The following SLC24A1 variants were observed in gnomAD, a reference collection of about 807,000 sequenced individuals.
SLC24A1 encodes the protein sodium/potassium/calcium exchanger 1.
A neutral mutation model predicts 88.1 loss-of-function variants in SLC24A1; 52 were observed. The ratio of observed to expected loss-of-function variants is 0.59; its 90% CI spans 0.47 to 0.74. The LOEUF (loss-of-function observed/expected upper bound fraction) is 0.74. Ranked by LOEUF, SLC24A1 falls within the 30% of genes least tolerant of loss-of-function variation. The pLI is 0.00. For synonymous variants in SLC24A1, 455 were observed against 498.0 expected, an observed-to-expected ratio of 0.91 and a Z score of 1.15; for missense variants, 1,173 against 1,363.3, an observed-to-expected ratio of 0.86 and a Z score of 2.20.
chr15:65,621,192 A>G (rs2074306890), upstream of SLC24A1, among the ~76,000 whole-genome samples: 1 of 152,274 alleles, frequency 6.6e-6, no homozygotes, highest in African/African-American at 2.4e-5. Flanking sequence ...AGAAAGGGGC[A>G]GTCAGTAAAT....
At position 65,655,944 on chromosome 15, in the gene SLC24A1, G is replaced by A. The variant is rs907988250; in HGVS notation, c.*1865G>A. The A allele has an allele frequency of 2.0e-6, 2 of 985,236 alleles. No individual in the cohort carries two copies. The highest frequency in any genetic ancestry group is 5.2e-4 in the Middle Eastern group (1 of 1,914). The allele number at this position is 985,236 out of a possible 1,614,324, so 61.0% of individuals were successfully genotyped here. A position where few individuals can be genotyped will look rare whatever the true frequency, so the allele number is the denominator to read the frequency against. On this transcript the variant is annotated 3_prime_UTR_variant, in exon 10 of 10. Coordinates refer to ENST00000261892, the MANE Select transcript of SLC24A1 (RefSeq NM_004727.3). ...CCCGAGAAGACTGATGAAGAGTATG[G>A]AATCATGTTCCAATTCTATATTCTT...
At chr15:65,649,958 T>C (rs761749596) in intron 6 of SLC24A1, among the ~76,000 whole-genome samples, 1 of 152,154 alleles carries the variant, frequency 6.6e-6, no homozygotes, top group Non-Finnish European at 1.5e-5. Flanking sequence ...TTCACCAGGA[T>C]AGGGAGGAGG....
rs1021882309 is a variant in SLC24A1 at position 65,635,258 on chromosome 15, G to T, written c.1891-2870G>T. 2.6e-5 allele frequency among the ~76,000 whole-genome samples: 4 copies of T among 151,658 alleles called. No individual in the cohort carries two copies. In the East Asian group the frequency reaches 5.8e-4, roughly 22 times the overall value. ...GCACTCTGGGAGGCCGAGGCGGGTG[G>T]ATCACAAGGTCAGGAGATCAAGATC... On this transcript the variant is annotated intron_variant, in intron 2 of 9. Coordinates refer to ENST00000261892, the MANE Select transcript of SLC24A1 (RefSeq NM_004727.3).
rs1225033624 is a variant in SLC24A1 at position 65,625,761 on chromosome 15, G to A, written c.1681G>A (p.Asp561Asn). 4 of 1,613,890 alleles carry A rather than the reference G, an allele frequency of 2.5e-6. No homozygotes were observed. The highest frequency in any genetic ancestry group is 3.4e-6 in the Non-Finnish European group (4 of 1,179,878). The stretch of plus-strand genomic sequence containing the variant: ...CCTCACCTGGTGGCCCTTATTCCGT[G>A]ATGTCTCCTTCTACATCCTTGACCT... ...LNLTWWPLFR[D>N]VSFYILDLIM... Residue 561 changes from aspartate to asparagine, a missense_variant, in exon 2 of 10, where the codon GAT (aspartate) becomes AAT (asparagine). Physicochemically the swap from Asp to Asn is conservative, Grantham distance 23 (BLOSUM62 1). Transcript: ENST00000261892.
Position 65,654,268 on chromosome 15 carries a change from A to G in SLC24A1, c.*189A>G, listed in dbSNP as rs1329828743. On this transcript the variant is annotated 3_prime_UTR_variant, in exon 10 of 10. Coordinates refer to ENST00000261892, the MANE Select transcript of SLC24A1 (RefSeq NM_004727.3). ...AACACCTGCAGCTCATTGTGGATTA[A>G]GAACCTCACCCCTGGAGGGGTGGAG... 2 of 1,399,710 alleles carry G rather than the reference A, an allele frequency of 1.4e-6. No individual in the cohort carries two copies. The highest frequency in any genetic ancestry group is 1.8e-6 in the Non-Finnish European group (2 of 1,082,902). The allele number at this position is 1,399,710 out of a possible 1,614,324, so 86.7% of individuals were successfully genotyped here.
rs1296477125 is a variant in SLC24A1, at chr15:65,625,400, C to T, written c.1320C>T (p.Tyr440=). Residue 440 remains tyrosine (Y), a synonymous_variant, in exon 2 of 10, where the codon TAC becomes TAT. Coordinates refer to ENST00000261892, the MANE Select transcript of SLC24A1 (RefSeq NM_004727.3). ...SLPDLHPKGE[Y]PPDLFSVEER... ...CAGACCTCCACCCCAAGGGAGAGTA[C>T]CCCCCAGATCTGTTCAGTGTGGAGG... The T allele has an allele frequency of 1.2e-6, 2 of 1,613,790 alleles. No individual in the cohort carries two copies. The highest frequency in any genetic ancestry group is 2.2e-5 in the East Asian group (1 of 44,886).
upstream of SLC24A1, among the ~76,000 whole-genome samples, chr15:65,617,801 G>A (rs1375246792): frequency 1.3e-5 from 2 of 152,154 alleles, no homozygotes; most frequent in Non-Finnish European, 2.9e-5. Context: ...GCATCCTTGT[G>A]TTGTGCTGGT....
chr15:65,616,463 A>T (rs1023360397), intron 2 of SLC24A1, among the ~76,000 whole-genome samples: 1 of 152,172 alleles, frequency 6.6e-6, no homozygotes, highest in Non-Finnish European at 1.5e-5. Flanking sequence ...TTTGATTTGC[A>T]TTTCTCTGAT....
chr15:65,653,778 T>C, intron 9 of SLC24A1, 52 bp from the exon 10 acceptor site: 1 of 1,573,898 alleles, frequency 6.4e-7, no homozygotes, highest in Non-Finnish European at 8.7e-7. Context: ...TTTAAGTGTA[T>C]GGGATTATTA....
chr15:65,626,376 G>A (rs34917555), intron 2 of SLC24A1, among the ~76,000 whole-genome samples: 1,943 of 152,232 alleles, frequency 0.013, 11 homozygotes, highest in Non-Finnish European at 0.018. Context: ...TGCCAGGCGA[G>A]GAAAAATGAT....
At chr15:65,645,479 A>G (rs2075272148) in intron 5 of SLC24A1, 133 bp from the exon 6 acceptor site, 4 of 717,568 alleles carry the variant, frequency 5.6e-6, no homozygotes, top group Non-Finnish European at 9.9e-6. Context: ...CCTACCAACA[A>G]GAAATTCCCC....
intron 1 of SLC24A1, among the ~76,000 whole-genome samples, chr15:65,622,743 C>CT (rs200534714): frequency 0.2 from 29,520 of 145,504 alleles, 3,184 homozygotes; most frequent in African/African-American, 0.28. Context: ...CAGTGCTTTT[C>CT]TTTTTTTTTT....
chr15:65,633,874 C>T (rs1232623719), intron 2 of SLC24A1, among the ~76,000 whole-genome samples: 2 of 152,022 alleles, frequency 1.3e-5, no homozygotes, highest in Non-Finnish European at 1.5e-5. Flanking sequence ...GTGCTTTGCT[C>T]AGAAACCCAC....
At chr15:65,647,933 T>A (rs555858125) in intron 6 of SLC24A1, among the ~76,000 whole-genome samples, 20 of 152,278 alleles carry the variant, frequency 1.3e-4, no homozygotes, top group African/African-American at 4.8e-4. Flanking sequence ...GAAGTCAGAA[T>A]ATCTGGGGTG....
At chr15:65,648,523 C>G (rs2075386893) in intron 6 of SLC24A1, among the ~76,000 whole-genome samples, 1 of 151,520 alleles carries the variant, frequency 6.6e-6, no homozygotes, top group African/African-American at 2.4e-5. Flanking sequence ...GCTCTGTCGC[C>G]TAGGCTGGAG....
At chr15:65,626,532 T>C (rs1231386906) in intron 2 of SLC24A1, among the ~76,000 whole-genome samples, 1 of 152,130 alleles carries the variant, frequency 6.6e-6, no homozygotes, top group Non-Finnish European at 1.5e-5. Flanking sequence ...TGTTTTGTTC[T>C]GAAAATATTA....
upstream of SLC24A1, among the ~76,000 whole-genome samples, chr15:65,620,310 A>G (rs1403686256): frequency 1.3e-5 from 2 of 152,056 alleles, no homozygotes; most frequent in Admixed American, 1.3e-4. Flanking sequence ...ATGCATGGAA[A>G]CCTGCTGACC....
At chr15:65,635,446 CAAAAAAAAAAAAAAAAA>C (rs56960432) in intron 2 of SLC24A1, among the ~76,000 whole-genome samples, 1 of 58,352 alleles carries the variant, frequency 1.7e-5, no homozygotes, top group Non-Finnish European at 3.0e-5. Context: ...ACTCCGTCTC[CAAAAAAAAAAAAAAAAA>C]AAAAAAAGAA....
chr15:65,649,324 T>G (rs1291930548), intron 6 of SLC24A1, among the ~76,000 whole-genome samples: 1 of 152,070 alleles, frequency 6.6e-6, no homozygotes, highest in African/African-American at 2.4e-5. Flanking sequence ...GGTCTCAAAC[T>G]CCTGACCTTG....
Sources: gnomAD v4.1 joint callset for allele counts (sites outside exome capture counted in the v4.1 genomes callset) on GRCh38, gnomAD v4.1.1 for gene constraint, MANE v1.5 for transcripts, NCBI Gene and HGNC (gene_info 2026-07-23, HGNC 2026-07-21) for gene names.